The following DNAJB14 variants were observed in gnomAD, a reference collection of about 807,000 sequenced individuals.
The protein encoded by DNAJB14 is DnaJ heat shock protein family (Hsp40) member B14, also known as dnaJ homolog subfamily B member 14.
A neutral mutation model predicts 48.4 loss-of-function variants in DNAJB14; 22 were observed. The ratio of observed to expected loss-of-function variants is 0.45; its 90% CI spans 0.32 to 0.65. The LOEUF (loss-of-function observed/expected upper bound fraction) is 0.65. DNAJB14 is among the 30% of genes least tolerant of loss of function. DNAJB14 has a pLI of 0.03. For missense variants in DNAJB14, 319 were observed against 458.8 expected, an observed-to-expected ratio of 0.70 and a Z score of 2.78; for synonymous variants, 142 against 158.7, an observed-to-expected ratio of 0.89 and a Z score of 0.79.
Position 99,905,651 on chromosome 4 carries a change from G to A in DNAJB14, c.788C>T (p.Ser263Leu). The change falls in exon 6 of 8, where the codon TCA (serine) becomes TTA (leucine). Residue 263 changes from serine to leucine, a missense_variant. By Grantham distance (145) the Ser-to-Leu change is moderately radical. Transcript: ENST00000442697. Reference protein sequence around the residue: ...LMPIIVLILVSLLSQLMVSNP... With the variant: ...LMPIIVLILVLLLSQLMVSNP... ...AGAGACCATCAACTGGCTTAATAAT[G>A]ACACGAGGATCAATACAATTATGGG... is the stretch of plus-strand genomic sequence containing the variant. 6.2e-7 allele frequency: 1 copy of A among 1,612,262 alleles called. No individual in the cohort carries two copies. The highest frequency in any genetic ancestry group is 8.5e-7 in the Non-Finnish European group (1 of 1,179,512).
At chr4:99,932,342 G>A (rs975734594) in intron 1 of DNAJB14, among the ~76,000 whole-genome samples, 5 of 151,902 alleles carry the variant, frequency 3.3e-5, no homozygotes, top group Non-Finnish European at 7.4e-5. Context: ...TTAAAAAAAC[G>A]GGTGAAGGAT....
chr4:99,919,408 C>T (rs1725971508), intron 3 of DNAJB14, among the ~76,000 whole-genome samples: 1 of 152,018 alleles, frequency 6.6e-6, no homozygotes. Flanking sequence ...GATGGTGAAA[C>T]CCCATCTCTA....
chr4:99,904,863 G>A (rs1259495247), intron 6 of DNAJB14, among the ~76,000 whole-genome samples: 1 of 151,944 alleles, frequency 6.6e-6, no homozygotes, highest in Non-Finnish European at 1.5e-5. Context: ...GTCACAAAAA[G>A]TAACCACACT....
At chr4:99,918,664 C>T (rs543404972) in intron 3 of DNAJB14, among the ~76,000 whole-genome samples, 2 of 152,312 alleles carry the variant, frequency 1.3e-5, no homozygotes, top group South Asian at 4.1e-4. Flanking sequence ...TGGATAGATA[C>T]GTAAGTTCCC....
chr4:99,922,591 G>GA (rs1294402939), intron 3 of DNAJB14: 1 of 151,930 alleles, frequency 6.6e-6, no homozygotes, highest in African/African-American at 2.4e-5. Context: ...TATATAAAAT[G>GA]AAAAAACTGG....
intron 6 of DNAJB14, among the ~76,000 whole-genome samples, chr4:99,904,437 G>T (rs1043498616): frequency 6.6e-6 from 1 of 152,048 alleles, no homozygotes; most frequent in Non-Finnish European, 1.5e-5. Flanking sequence ...TACAAACTTT[G>T]TTTCATGTAC....
At chr4:99,924,215 G>A (rs530753697) in intron 2 of DNAJB14, 2 of 152,258 alleles carry the variant, frequency 1.3e-5, no homozygotes, top group Admixed American at 1.3e-4. Flanking sequence ...GACAGAGTTA[G>A]TGACAGGCAA....
At chr4:99,943,611 T>A (rs964200971) in intron 1 of DNAJB14, among the ~76,000 whole-genome samples, 1 of 152,144 alleles carries the variant, frequency 6.6e-6, no homozygotes, top group Non-Finnish European at 1.5e-5. Flanking sequence ...ATTGTCTCCA[T>A]TTTACAGACG....
At chr4:99,936,933 CAA>C (rs1414247361) in intron 1 of DNAJB14, among the ~76,000 whole-genome samples, 23 of 152,176 alleles carry the variant, frequency 1.5e-4, no homozygotes, top group Non-Finnish European at 3.1e-4. Context: ...ATGGATGCTA[CAA>C]AGAGACAGTG....
chr4:99,901,262 CT>C, intron 7 of DNAJB14, 110 bp from the exon 8 acceptor site: 1 of 993,592 alleles, frequency 1.0e-6, no homozygotes, highest in Non-Finnish European at 1.4e-6. Flanking sequence ...GATTAACTGA[CT>C]TAAAAAAAAT....
Position 99,924,904 on chromosome 4 carries a change from C to T in DNAJB14, c.306-1719G>A, listed in dbSNP as rs142699205. On this transcript the variant is annotated intron_variant, in intron 2 of 7. Transcript: ENST00000442697. ...TTTTGCCTCTAGGCAAAAATCTGAC[C>T]GAAAAGATGTGAAGCTACTACAGAA... The T allele has an allele frequency of 0.027, 23,040 of 859,542 alleles. 408 individuals carry two copies. The highest frequency in any genetic ancestry group is 0.033 in the Non-Finnish European group (16,708 of 510,376). 53.2% of individuals were successfully genotyped at this position (859,542 alleles called of 1,614,324 possible).
In DNAJB14 at chr4:99,917,129, TCAAA is replaced by T. The variant is rs560437299; in HGVS notation, c.451+5907_451+5910del. ...CAGCCTGGGTGACAGAGACTACGTCTCAAACAAACAAACAAACAAACAAAAAATT... is the reference window on the plus strand; with the variant it reads ...CAGCCTGGGTGACAGAGACTACGTCTCAAACAAACAAACAAACAAAAAATT... On this transcript the variant is annotated intron_variant, in intron 3 of 7. Coordinates refer to ENST00000442697, the MANE Select transcript of DNAJB14 (RefSeq NM_001031723.4). 2.3e-3 allele frequency among the ~76,000 whole-genome samples: 347 copies of T among 152,262 alleles called. 3 individuals are homozygous for T. Among genetic ancestry groups the T allele is most frequent in the African/African-American group, 6.7e-3 (278 of 41,558 alleles).
chr4:99,931,377 A>G (rs893068354), intron 1 of DNAJB14, among the ~76,000 whole-genome samples: 5 of 152,122 alleles, frequency 3.3e-5, no homozygotes, highest in African/African-American at 1.2e-4. Context: ...ATATATACTC[A>G]TAATGGTTCA....
chr4:99,942,663 T>A (rs1726927699), intron 1 of DNAJB14: 1 of 152,126 alleles, frequency 6.6e-6, no homozygotes, highest in African/African-American at 2.4e-5. Flanking sequence ...TAGATCCATT[T>A]GGGGATTAAG....
intron 3 of DNAJB14, among the ~76,000 whole-genome samples, chr4:99,912,364 T>G (rs2110199342): frequency 6.6e-6 from 1 of 152,314 alleles, no homozygotes; most frequent in Non-Finnish European, 1.5e-5. Flanking sequence ...AATATTCAGG[T>G]TCTTTCTTCC....
rs186252908 is a variant in DNAJB14 at position 99,903,653 on chromosome 4, T to C, written c.1015+73A>G. 8.2e-4 allele frequency: 1,192 copies of C among 1,458,362 alleles called. 1 individual carries two copies. The highest frequency in any genetic ancestry group is 2.6e-3 in the Middle Eastern group (10 of 3,878). 90.3% of individuals were successfully genotyped at this position (1,458,362 alleles called of 1,614,324 possible). A position where few individuals can be genotyped will look rare whatever the true frequency, so the allele number is the denominator to read the frequency against. ...AGGGAATTCCAGAACATTCCTTGAATAGGGAAATCTACATTAATCAGTTCC... is the reference window on the plus strand; with the variant it reads ...AGGGAATTCCAGAACATTCCTTGAACAGGGAAATCTACATTAATCAGTTCC... On this transcript the variant is annotated intron_variant, in intron 7 of 7. Transcript: ENST00000442697.
At chr4:99,915,505 T>TTTG (rs1725823264) in intron 3 of DNAJB14, among the ~76,000 whole-genome samples, 1 of 152,226 alleles carries the variant, frequency 6.6e-6, no homozygotes, top group African/African-American at 2.4e-5. Context: ...TACTTAGAAA[T>TTTG]TTGTTGTTCA....
At chr4:99,910,453 C>T (rs1477464975) in intron 3 of DNAJB14, 2 of 151,978 alleles carry the variant, frequency 1.3e-5, no homozygotes, top group Non-Finnish European at 2.9e-5. Flanking sequence ...GATTTAACAT[C>T]TATAAACTAA....
intron 3 of DNAJB14, among the ~76,000 whole-genome samples, chr4:99,913,273 A>C (rs1435220705): frequency 6.6e-6 from 1 of 152,156 alleles, no homozygotes; most frequent in Non-Finnish European, 1.5e-5. Context: ...CATAGGGGAA[A>C]AGCATTCAGT....
Sources: allele counts gnomAD v4.1 joint callset (sites outside exome capture counted in the v4.1 genomes callset), GRCh38; gene constraint gnomAD v4.1.1; transcripts MANE v1.5; gene names NCBI Gene and HGNC (gene_info 2026-07-23, HGNC 2026-07-21).